The following ARSB variants were observed in gnomAD, a reference collection of about 807,000 sequenced individuals.
ARSB encodes N-acetylgalactosamine-4-sulfatase.
In ARSB, 41 loss-of-function variants were observed where a neutral mutation model predicts 50.9. The observed-to-expected ratio is 0.81, with a 90% CI of 0.63 to 1.04. The LOEUF is 1.04. ARSB is among the 50% of genes least tolerant of loss of function. The probability of loss-of-function intolerance (pLI) is 0.00; values close to 1 mark genes in which losing one functional copy is unlikely to be tolerated. For missense variants in ARSB, 672 were observed against 693.3 expected (o/e 0.97, Z 0.35); for synonymous variants, 269 against 284.8 (o/e 0.94, Z 0.56).
At position 78,961,693 on chromosome 5, in the gene ARSB, T is replaced by C. The variant is rs73130108; in HGVS notation, c.690+2723A>G. 7.3e-3 allele frequency among the ~76,000 whole-genome samples: 1,116 copies of C among 152,264 alleles called. 14 individuals are homozygous for C. The highest frequency in any genetic ancestry group is 0.026 in the African/African-American group (1,078 of 41,548). On this transcript the variant is annotated intron_variant, in intron 3 of 7. Coordinates refer to ENST00000264914, the MANE Select transcript of ARSB (RefSeq NM_000046.5). ...GTTCTTCAGTAGGAATGAATTTGTA[T>C]TGTGGGCAGATTACAGTTGTTGCAC...
In ARSB at chr5:78,907,606, A is replaced by G. The variant is rs1264666411; in HGVS notation, c.899-21779T>C. Among the ~76,000 whole-genome samples, 3 of 152,220 alleles carry G rather than the reference A, an allele frequency of 2.0e-5. 1 individual carries two copies. Among genetic ancestry groups the G allele is most frequent in the Admixed American group, 2.0e-4 (3 of 15,282 alleles). On this transcript the variant is annotated intron_variant, in intron 4 of 7. Transcript: ENST00000264914. ...TAAAAATCACAAAGGCAGCGCCTTC[A>G]TGCTAGGACAGTATCTATTATATTT...
At chr5:78,863,403 T>C (rs1386418152) in intron 5 of ARSB, among the ~76,000 whole-genome samples, 2 of 152,134 alleles carry the variant, frequency 1.3e-5, no homozygotes, top group Non-Finnish European at 2.9e-5. Context: ...ATGGCACATA[T>C]ACACCATGGA....
chr5:78,858,001 G>C (rs1192475096), intron 5 of ARSB, among the ~76,000 whole-genome samples: 1 of 152,206 alleles, frequency 6.6e-6, no homozygotes, highest in Non-Finnish European at 1.5e-5. Flanking sequence ...GTAGAGACAA[G>C]CTTGGCATGG....
chr5:78,936,872 G>A (rs1041018181), intron 4 of ARSB, among the ~76,000 whole-genome samples: 12 of 152,134 alleles, frequency 7.9e-5, no homozygotes, highest in African/African-American at 1.2e-4. Flanking sequence ...TTGGCTAGAC[G>A]ACTGTAGGAG....
At chr5:78,799,237 C>T (rs768670835) in intron 6 of ARSB, among the ~76,000 whole-genome samples, 23 of 152,184 alleles carry the variant, frequency 1.5e-4, no homozygotes, top group Non-Finnish European at 2.4e-4. Context: ...AGAGGGCACC[C>T]GCCTCAAGTG....
intron 6 of ARSB, among the ~76,000 whole-genome samples, chr5:78,829,888 T>C (rs1310302640): frequency 6.6e-6 from 1 of 152,246 alleles, no homozygotes; most frequent in African/African-American, 2.4e-5. Context: ...GATATATTTA[T>C]CTTTACAGAT....
chr5:78,935,195 A>T (rs866928312), intron 4 of ARSB, among the ~76,000 whole-genome samples: 1 of 152,232 alleles, frequency 6.6e-6, no homozygotes, highest in Non-Finnish European at 1.5e-5. Flanking sequence ...ATATGAAGAA[A>T]AGAAGAAAGT....
chr5:78,938,270 A>G (rs1382230276), intron 4 of ARSB, among the ~76,000 whole-genome samples: 1 of 152,248 alleles, frequency 6.6e-6, no homozygotes, highest in Non-Finnish European at 1.5e-5. Flanking sequence ...TTTTCACTCA[A>G]TAAAATAATC....
chr5:78,851,730 G>T (rs1745799477), intron 5 of ARSB, among the ~76,000 whole-genome samples: 1 of 152,184 alleles, frequency 6.6e-6, no homozygotes, highest in African/African-American at 2.4e-5. Flanking sequence ...CTTGCTTTAT[G>T]CATCTGGGTG....
intron 6 of ARSB, chr5:78,815,960 A>G: frequency 6.5e-7 from 1 of 1,547,024 alleles, no homozygotes; most frequent in Non-Finnish European, 8.7e-7. Flanking sequence ...CCAGGTTCCT[A>G]GTTCCCGCCT....
intron 6 of ARSB, among the ~76,000 whole-genome samples, chr5:78,818,923 C>T (rs75570159): frequency 0.017 from 2,622 of 152,312 alleles, 80 homozygotes; most frequent in African/African-American, 0.059. Flanking sequence ...CCCCCTCCCA[C>T]CCTTGCCCTG....
At chr5:78,788,733 T>C (rs1181867956) in intron 6 of ARSB, among the ~76,000 whole-genome samples, 2 of 152,190 alleles carry the variant, frequency 1.3e-5, no homozygotes, top group Non-Finnish European at 2.9e-5. Flanking sequence ...CCTGAGTGGT[T>C]AGGACCACAG....
At chr5:78,944,149 C>A (rs1751088110) in intron 4 of ARSB, among the ~76,000 whole-genome samples, 1 of 152,194 alleles carries the variant, frequency 6.6e-6, no homozygotes, top group African/African-American at 2.4e-5. Context: ...AAGGACTTCT[C>A]TGCATTGGTT....
At chr5:78,918,208 C>T (rs973327394) in intron 4 of ARSB, among the ~76,000 whole-genome samples, 1 of 152,170 alleles carries the variant, frequency 6.6e-6, no homozygotes. Context: ...CTATTACATA[C>T]ATATTAAAAC....
chr5:78,826,552 G>C (rs973883254), intron 6 of ARSB, among the ~76,000 whole-genome samples: 2 of 152,090 alleles, frequency 1.3e-5, no homozygotes, highest in African/African-American at 4.8e-5. Flanking sequence ...TGGGGGCAGG[G>C]GGTAGCTACA....
chr5:78,783,691 C>T (rs1561422757), intron 6 of ARSB, among the ~76,000 whole-genome samples: 1 of 152,032 alleles, frequency 6.6e-6, no homozygotes. Flanking sequence ...TGTATGAAGG[C>T]CACATTTTGA....
chr5:78,861,263 G>A (rs1746421939), intron 5 of ARSB, among the ~76,000 whole-genome samples: 1 of 152,176 alleles, frequency 6.6e-6, no homozygotes, highest in Non-Finnish European at 1.5e-5. Flanking sequence ...CTCATTTTAT[G>A]AGGCCAGCAT....
intron 6 of ARSB, among the ~76,000 whole-genome samples, chr5:78,829,675 A>G (rs889045165): frequency 1.3e-5 from 2 of 152,228 alleles, no homozygotes; most frequent in African/African-American, 2.4e-5. Context: ...TGTTTTCAAC[A>G]ACGTCCCAGA....
intron 1 of ARSB, among the ~76,000 whole-genome samples, chr5:78,976,742 C>A (rs186126031): frequency 6.6e-6 from 1 of 152,210 alleles, no homozygotes; most frequent in Non-Finnish European, 1.5e-5. Flanking sequence ...CTGTTAGATT[C>A]GAAATGTTCT....
Sources: allele counts gnomAD v4.1 joint callset (sites outside exome capture counted in the v4.1 genomes callset), GRCh38; gene constraint gnomAD v4.1.1; transcripts MANE v1.5; gene names NCBI Gene and HGNC (gene_info 2026-07-23, HGNC 2026-07-21).